Variants in GALNT13 observed in about 807,000 individuals in gnomAD.
GALNT13 encodes polypeptide N-acetylgalactosaminyltransferase 13.
In GALNT13, 28 loss-of-function variants were observed where a neutral mutation model predicts 64.2. The ratio of observed to expected loss-of-function variants is 0.44; its 90% CI spans 0.32 to 0.60. GALNT13 has a LOEUF of 0.60. GALNT13 is among the 20% of genes least tolerant of loss of function. The pLI, the probability that GALNT13 is intolerant of heterozygous loss-of-function variation, is 0.05. For missense variants in GALNT13, 577 were observed against 669.8 expected, an observed-to-expected ratio of 0.86 and a Z score of 1.53; for synonymous variants, 214 against 224.6, an observed-to-expected ratio of 0.95 and a Z score of 0.42.
At chr2:153,985,175 T>C (rs1234214635) in intron 3 of GALNT13, among the ~76,000 whole-genome samples, 1 of 152,060 alleles carries the variant, frequency 6.6e-6, no homozygotes, top group Admixed American at 6.6e-5. Context: ...TTATGACTTA[T>C]TAAATGCCCA....
chr2:153,321,130 T>A, the GALNT13 span, among the ~76,000 whole-genome samples: 4 of 152,204 alleles, frequency 2.6e-5, no homozygotes, highest in African/African-American at 9.6e-5. Context: ...AATCCCAGAA[T>A]TGTTAAAGAT....
chr2:154,293,943 A>C lies in GALNT13; in HGVS notation c.976-7466A>C, dbSNP rs553989739. 4.6e-5 allele frequency among the ~76,000 whole-genome samples: 7 copies of C among 152,336 alleles called. No individual in the cohort carries two copies. The South Asian group carries it at 1.5e-3, about 32-fold the overall frequency. ...ATTCTTGTATTAGCTTAGTATTACTATGAGTAGATATTAACTTAGTATTAC... is the reference window on the plus strand; with the variant it reads ...ATTCTTGTATTAGCTTAGTATTACTCTGAGTAGATATTAACTTAGTATTAC... On this transcript the variant is annotated intron_variant, in intron 8 of 12. Transcript: ENST00000392825.
chr2:154,321,829 G>A (rs1489915928), intron 9 of GALNT13, among the ~76,000 whole-genome samples: 1 of 152,060 alleles, frequency 6.6e-6, no homozygotes, highest in African/African-American at 2.4e-5. Flanking sequence ...ATGTCATTAA[G>A]TAACATATAT....
intron 2 of GALNT13, among the ~76,000 whole-genome samples, chr2:153,916,699 G>A (rs1049685292): frequency 1.7e-4 from 26 of 152,130 alleles, no homozygotes; most frequent in African/African-American, 6.3e-4. Context: ...GTCAAGAAAT[G>A]GTATATTTAG....
the GALNT13 span, chr2:153,478,866 GGGCCGCGGC>G: frequency 5.6e-6 from 2 of 359,728 alleles, no homozygotes; most frequent in Non-Finnish European, 1.0e-5. Context: ...TGGGAGGTGC[GGGCCGCGGC>G]GGCTGCAGCG....
At chr2:153,424,122 A>G in the GALNT13 span, among the ~76,000 whole-genome samples, 8 of 150,302 alleles carry the variant, frequency 5.3e-5, no homozygotes, top group Non-Finnish European at 9.0e-5. Context: ...TTCTACCCAC[A>G]TATACATGGC....
chr2:153,310,636 A>G, the GALNT13 span, among the ~76,000 whole-genome samples: 1 of 152,194 alleles, frequency 6.6e-6, no homozygotes. Context: ...ATACATTAAC[A>G]TACAAAACAT....
At chr2:153,719,633 G>A in the GALNT13 span, among the ~76,000 whole-genome samples, 1 of 152,204 alleles carries the variant, frequency 6.6e-6, no homozygotes, top group Non-Finnish European at 1.5e-5. Flanking sequence ...GCAGGGCAAG[G>A]CATTGCCTCA....
At chr2:154,064,467 G>C (rs1700355171) in intron 3 of GALNT13, among the ~76,000 whole-genome samples, 1 of 152,074 alleles carries the variant, frequency 6.6e-6, no homozygotes, top group Non-Finnish European at 1.5e-5. Flanking sequence ...AGCTCTGACG[G>C]CTTATTTCTT....
the GALNT13 span, among the ~76,000 whole-genome samples, chr2:153,719,007 T>C: frequency 6.6e-6 from 1 of 152,166 alleles, no homozygotes; most frequent in Admixed American, 6.6e-5. Flanking sequence ...TGGTCATCAT[T>C]AACTGTATTA....
At chr2:154,018,055 G>T (rs1697127070) in intron 3 of GALNT13, among the ~76,000 whole-genome samples, 1 of 152,158 alleles carries the variant, frequency 6.6e-6, no homozygotes, top group Non-Finnish European at 1.5e-5. Context: ...CATTGCAATA[G>T]AATGAAGTAA....
At chr2:153,275,850 G>T in the GALNT13 span, among the ~76,000 whole-genome samples, 1 of 152,032 alleles carries the variant, frequency 6.6e-6, no homozygotes, top group Non-Finnish European at 1.5e-5. Flanking sequence ...AAAAAAAGTT[G>T]ATTGATCCTG....
At chr2:153,443,361 C>T in the GALNT13 span, among the ~76,000 whole-genome samples, 2 of 152,330 alleles carry the variant, frequency 1.3e-5, no homozygotes, top group East Asian at 3.9e-4. Flanking sequence ...CTTCAGCTTG[C>T]CCTCTGTGGG....
At chr2:153,908,221 C>T (rs896996950) in intron 2 of GALNT13, among the ~76,000 whole-genome samples, 29 of 151,884 alleles carry the variant, frequency 1.9e-4, no homozygotes, top group African/African-American at 6.8e-4. Flanking sequence ...TTCATGTCCT[C>T]CGCCCACTGT....
chr2:153,403,901 C>A, the GALNT13 span, among the ~76,000 whole-genome samples: 1 of 152,196 alleles, frequency 6.6e-6, no homozygotes, highest in Non-Finnish European at 1.5e-5. Flanking sequence ...GCGTCGCTCA[C>A]ACTGGTAGCT....
intron 7 of GALNT13, among the ~76,000 whole-genome samples, chr2:154,255,727 C>A (rs1463044994): frequency 1.3e-5 from 2 of 152,090 alleles, no homozygotes; most frequent in East Asian, 3.9e-4. Context: ...TTTCCTTGAT[C>A]CCCAGATGGT....
the GALNT13 span, among the ~76,000 whole-genome samples, chr2:153,702,460 A>G: frequency 2.0e-5 from 3 of 152,108 alleles, no homozygotes; most frequent in Admixed American, 6.6e-5. Flanking sequence ...TATCCCAGAA[A>G]TTAAATAAAA....
the GALNT13 span, among the ~76,000 whole-genome samples, chr2:153,769,820 C>G: frequency 6.6e-6 from 1 of 152,176 alleles, no homozygotes; most frequent in Non-Finnish European, 1.5e-5. Flanking sequence ...CAAAATGCCT[C>G]TCTTTCAGCT....
the GALNT13 span, among the ~76,000 whole-genome samples, chr2:153,676,177 A>G: frequency 6.6e-6 from 1 of 152,094 alleles, no homozygotes; most frequent in Admixed American, 6.6e-5. Context: ...AATGACCAAA[A>G]GGACATTACC....
Sources: allele counts gnomAD v4.1 joint callset (sites outside exome capture counted in the v4.1 genomes callset), GRCh38; gene constraint gnomAD v4.1.1; transcripts MANE v1.5; gene names NCBI Gene and HGNC (gene_info 2026-07-23, HGNC 2026-07-21).